Variants in SNX7 observed in about 807,000 individuals in gnomAD.
SNX7 encodes the protein sorting nexin-7.
A neutral mutation model predicts 48.4 loss-of-function variants in SNX7; 35 were observed. The ratio of observed to expected loss-of-function variants is 0.72; its 90% CI spans 0.55 to 0.96. SNX7 has a LOEUF of 0.96. SNX7 is among the 40% of genes least tolerant of loss of function. The pLI is 0.00. For synonymous variants in SNX7, 190 were observed against 190.2 expected (o/e 1.00, Z 0.01); for missense variants, 553 against 548.9 (o/e 1.01, Z -0.07).
chr1:98,672,435 TG>T (rs1472008220), intron 1 of SNX7, among the ~76,000 whole-genome samples: 1 of 149,474 alleles, frequency 6.7e-6, no homozygotes, highest in East Asian at 2.0e-4. Context: ...GAAAATCACC[TG>T]GCAGCTGGCC....
chr1:98,686,144 T>C (rs1195671884), intron 2 of SNX7, among the ~76,000 whole-genome samples: 1 of 152,194 alleles, frequency 6.6e-6, no homozygotes, highest in African/African-American at 2.4e-5. Context: ...TAGTTTTCAA[T>C]ATACAACTCA....
intron 8 of SNX7, among the ~76,000 whole-genome samples, chr1:98,739,868 G>A (rs1370651891): frequency 6.6e-6 from 1 of 152,152 alleles, no homozygotes; most frequent in Non-Finnish European, 1.5e-5. Flanking sequence ...ACCTTTAAGG[G>A]AAATGGGAGC....
At chr1:98,688,094 G>A (rs924892634) in intron 2 of SNX7, among the ~76,000 whole-genome samples, 1 of 152,124 alleles carries the variant, frequency 6.6e-6, no homozygotes, top group African/African-American at 2.4e-5. Context: ...AAAAATATTG[G>A]ATATTATGAG....
chr1:98,759,998 T>C lies in SNX7; in HGVS notation c.1279-56T>C, dbSNP rs1207281996. 2.6e-6 allele frequency: 3 copies of C among 1,154,514 alleles called. No homozygotes were observed. The African/African-American group carries it at 4.5e-5, about 17-fold the overall frequency. 71.5% of individuals were successfully genotyped at this position (1,154,514 alleles called of 1,614,324 possible). A position where few individuals can be genotyped will look rare whatever the true frequency, so the allele number is the denominator to read the frequency against. On this transcript the variant is annotated intron_variant, in intron 8 of 8. Transcript: ENST00000306121. ...AGATGTGTTAGAATTTATTAATCCTTTAACACTGAAAGTAAACTATTGTTG... is the reference window on the plus strand; with the variant it reads ...AGATGTGTTAGAATTTATTAATCCTCTAACACTGAAAGTAAACTATTGTTG...
At chr1:98,669,700 T>C (rs924239274) in intron 1 of SNX7, among the ~76,000 whole-genome samples, 2 of 152,228 alleles carry the variant, frequency 1.3e-5, no homozygotes, top group Non-Finnish European at 2.9e-5. Flanking sequence ...GAACTTACTG[T>C]GTATTTTTCT....
chr1:98,702,011 G>A, intron 7 of SNX7, 108 bp downstream of exon 7: 1 of 757,200 alleles, frequency 1.3e-6, no homozygotes, highest in Non-Finnish European at 2.1e-6. Flanking sequence ...TTATATGATT[G>A]TTTCTAAGCA....
intron 7 of SNX7, among the ~76,000 whole-genome samples, chr1:98,705,077 A>G (rs768578322): frequency 2.0e-5 from 3 of 152,158 alleles, no homozygotes; most frequent in Admixed American, 2.0e-4. Flanking sequence ...CTTACCACAC[A>G]GATATACCCA....
chr1:98,679,277 A>G (rs537487534), intron 1 of SNX7, among the ~76,000 whole-genome samples: 37 of 152,272 alleles, frequency 2.4e-4, no homozygotes, highest in Non-Finnish European at 4.9e-4. Flanking sequence ...TCATGAGAAC[A>G]GCATGTGAAG....
chr1:98,670,838 G>C (rs879737642), intron 1 of SNX7, among the ~76,000 whole-genome samples: 2 of 151,364 alleles, frequency 1.3e-5, no homozygotes, highest in African/African-American at 2.4e-5. Context: ...ATAGGAAAGA[G>C]AGCTACAGCT....
rs1390914519 is a variant in SNX7, at chr1:98,680,308, C to T, written c.181-4577C>T. Among the ~76,000 whole-genome samples, 6 of 152,214 alleles carry T rather than the reference C, an allele frequency of 3.9e-5. No individual in the cohort carries two copies. The East Asian group carries it at 1.2e-3, about 30-fold the overall frequency. On this transcript the variant is annotated intron_variant, in intron 1 of 8. Transcript: ENST00000306121. Reference sequence around the variant, plus strand: ...CCCTAGGCGGCACACAGTATGGGGACCCTGAGCCCAGCCCACAAAACCACC... The same window carrying T: ...CCCTAGGCGGCACACAGTATGGGGATCCTGAGCCCAGCCCACAAAACCACC...
intron 8 of SNX7, among the ~76,000 whole-genome samples, chr1:98,755,484 C>T: frequency 5.2e-5 from 1 of 19,292 alleles, no homozygotes; most frequent in South Asian, 3.5e-3. Flanking sequence ...AAATTATGTC[C>T]TCTAGATGGA....
intron 8 of SNX7, among the ~76,000 whole-genome samples, chr1:98,743,465 C>T (rs1266740429): frequency 2.0e-5 from 3 of 151,646 alleles, no homozygotes; most frequent in Non-Finnish European, 2.9e-5. Flanking sequence ...ATCTAGCAAG[C>T]AGAAAAACAA....
At chr1:98,678,913 G>A (rs753465385) in intron 1 of SNX7, among the ~76,000 whole-genome samples, 25 of 152,252 alleles carry the variant, frequency 1.6e-4, no homozygotes, top group Non-Finnish European at 2.5e-4. Context: ...CACTAATATA[G>A]TTTGGAGTGA....
At chr1:98,671,010 G>GAGTTTTAAAGATAA (rs1347937796) in intron 1 of SNX7, among the ~76,000 whole-genome samples, 4 of 152,116 alleles carry the variant, frequency 2.6e-5, no homozygotes, top group African/African-American at 9.7e-5. Flanking sequence ...TTATTTCCGT[G>GAGTTTTAAAGATAA]AGTTTTAAAG....
intron 8 of SNX7, among the ~76,000 whole-genome samples, chr1:98,739,972 G>C (rs12402587): frequency 0.26 from 40,237 of 152,116 alleles, 5,653 homozygotes; most frequent in Middle Eastern, 0.31. Flanking sequence ...AGGCAACACT[G>C]GACATGATGA....
intron 1 of SNX7, among the ~76,000 whole-genome samples, chr1:98,668,022 A>G (rs563258152): frequency 6.6e-6 from 1 of 152,302 alleles, no homozygotes; most frequent in African/African-American, 2.4e-5. Context: ...CTGTGCCATT[A>G]TAGCTCTCTT....
intron 1 of SNX7, among the ~76,000 whole-genome samples, chr1:98,668,975 C>G (rs1649690984): frequency 6.6e-6 from 1 of 152,056 alleles, no homozygotes; most frequent in Non-Finnish European, 1.5e-5. Context: ...TAAGGCTGTT[C>G]CAGTGGAATT....
In SNX7 at chr1:98,760,147, C is replaced by T. The variant is rs200299899; in HGVS notation, c.*16C>T. 5.6e-4 allele frequency: 872 copies of T among 1,569,596 alleles called. 5 individuals are homozygous for T. In the Middle Eastern group the frequency reaches 0.022, roughly 39 times the overall value. On this transcript the variant is annotated 3_prime_UTR_variant, in exon 9 of 9. Coordinates refer to ENST00000306121, the MANE Select transcript of SNX7 (RefSeq NM_015976.5). ...TAAACCTTAATCCCATTGAGGACTTCTGTTTGATCTTTGGGAGACAGCATT... is the reference window on the plus strand; with the variant it reads ...TAAACCTTAATCCCATTGAGGACTTTTGTTTGATCTTTGGGAGACAGCATT...
intron 7 of SNX7, among the ~76,000 whole-genome samples, chr1:98,719,632 T>G (rs1652759282): frequency 6.6e-6 from 1 of 151,798 alleles, no homozygotes; most frequent in South Asian, 2.1e-4. Context: ...TATTGTAATT[T>G]TTTGTACTGA....
Sources: allele counts gnomAD v4.1 joint callset (sites outside exome capture counted in the v4.1 genomes callset), GRCh38; gene constraint gnomAD v4.1.1; transcripts MANE v1.5; gene names NCBI Gene and HGNC (gene_info 2026-07-23, HGNC 2026-07-21).